Variants in NPC1 observed in about 807,000 individuals in gnomAD.
NPC1 encodes the protein Niemann-Pick C1 protein.
Under a neutral mutation model 140.4 loss-of-function variants are expected in NPC1, and 85 were observed. The ratio of observed to expected loss-of-function variants is 0.61; its 90% CI spans 0.51 to 0.72. The LOEUF (loss-of-function observed/expected upper bound fraction) is 0.72, where lower values mean the gene tolerates loss of function less well. NPC1 is among the 30% of genes least tolerant of loss of function. The pLI is 0.00. For missense variants in NPC1, 1,504 were observed against 1,623.8 expected, an observed-to-expected ratio of 0.93 and a Z score of 1.27; for synonymous variants, 656 against 624.8, an observed-to-expected ratio of 1.05 and a Z score of -0.74.
intron 11 of NPC1, 120 bp from the exon 12 acceptor site, chr18:23,545,269 T>C (rs2058773303): frequency 2.7e-6 from 2 of 736,720 alleles, no homozygotes; most frequent in African/African-American, 3.5e-5. Flanking sequence ...TTGAGACTGA[T>C]TCTCGCTCTG....
Position 23,556,786 on chromosome 18 carries a change from G to A in NPC1, c.956-173C>T. ...TCTGCTCAGCAAAGCCACCTTTGTT[G>A]GCTGCCCTCAATGAGCGCTATTCCC... On this transcript the variant is annotated intron_variant, in intron 7 of 24. Transcript: ENST00000269228. The A allele has an allele frequency of 5.9e-6, 6 of 1,018,578 alleles. No individual in the cohort carries two copies. In the South Asian group the frequency reaches 8.4e-5, roughly 14 times the overall value. The allele number at this position is 1,018,578 out of a possible 1,614,324, so 63.1% of individuals were successfully genotyped here.
At chr18:23,557,035 C>T (rs530505528) in intron 7 of NPC1, 82 bp downstream of exon 7, 3 of 1,180,802 alleles carry the variant, frequency 2.5e-6, no homozygotes, top group South Asian at 1.3e-5. Context: ...TCACCCACTG[C>T]TGCAACCCCA....
chr18:23,547,332 T>C (rs2058803556), intron 11 of NPC1, among the ~76,000 whole-genome samples: 1 of 152,218 alleles, frequency 6.6e-6, no homozygotes, highest in African/African-American at 2.4e-5. Context: ...TATATATTTA[T>C]ACAAATATAC....
chr18:23,556,291 T>A lies in NPC1; in HGVS notation c.1278A>T (p.Gly426=). 1.2e-6 allele frequency: 2 copies of A among 1,614,060 alleles called. No individual in the cohort carries two copies. The highest frequency in any genetic ancestry group is 1.6e-4 in the Middle Eastern group (1 of 6,062). The part of the protein sequence containing the change: ...DKHIYQPYPS[G]ADVPFGPPLD... ...GCGGAGGTCCAAAGGGTACATCAGC[T>A]CCCGAAGGGTATGGCTGGTAAATGT... is the stretch of plus-strand genomic sequence containing the variant. The change falls in exon 8 of 25, where the codon GGA becomes GGT. Residue 426 remains glycine, a synonymous_variant. Transcript: ENST00000269228.
At chr18:23,531,231 C>T (rs149462863), downstream of NPC1, among the ~76,000 whole-genome samples, 367 of 152,138 alleles carry the variant, frequency 2.4e-3, 2 homozygotes, top group African/African-American at 8.2e-3. Flanking sequence ...CCTCATGATC[C>T]GCCTGCCTCA....
downstream of NPC1, among the ~76,000 whole-genome samples, chr18:23,522,103 G>A (rs2145223729): frequency 6.6e-6 from 1 of 152,362 alleles, no homozygotes; most frequent in South Asian, 2.1e-4. Flanking sequence ...TTCAGCAAGA[G>A]CACCATTGTC....
rs12605771 is a variant in NPC1, at chr18:23,579,569, T to C, written c.58-5995A>G. Among the ~76,000 whole-genome samples the C allele has an allele frequency of 0.024, 3,622 of 152,068 alleles. 283 individuals are homozygous for C. In the East Asian group the frequency reaches 0.3, roughly 13 times the overall value. ...TGGATAGGGAAGCTTCTTTCAACGA[T>C]AGGAACAGTTCAGGAAAGGTTAAAA... On this transcript the variant is annotated intron_variant, in intron 1 of 24. Transcript: ENST00000269228.
At chr18:23,508,234 G>C (rs2057762066) in intron 3 of NPC1, among the ~76,000 whole-genome samples, 1 of 152,160 alleles carries the variant, frequency 6.6e-6, no homozygotes, top group African/African-American at 2.4e-5. Context: ...TTGAAAGCTT[G>C]TTCCTTTGGA....
At chr18:23,512,683 T>A (rs1034011101) in intron 3 of NPC1, among the ~76,000 whole-genome samples, 5 of 152,152 alleles carry the variant, frequency 3.3e-5, no homozygotes, top group Admixed American at 3.3e-4. Context: ...TCTTCTGCCT[T>A]GGCCTCCCAG....
chr18:23,575,769 C>CAAAAAAAAAAAAAAAAA (rs35922440), intron 1 of NPC1, among the ~76,000 whole-genome samples: 3 of 35,104 alleles, frequency 8.5e-5, no homozygotes, highest in Non-Finnish European at 1.2e-4. Context: ...CAGAGAAGAC[C>CAAAAAAAAAAAAAAAAA]AAAAAAAAAA....
intron 7 of NPC1, 118 bp downstream of exon 7, chr18:23,556,999 C>T (rs941188339): frequency 6.5e-5 from 56 of 859,820 alleles, no homozygotes; most frequent in Non-Finnish European, 4.8e-5. Context: ...TGGTCGCAGC[C>T]GTGTCCTCGG....
chr18:23,527,664 G>GTATTGTGTTTCT, downstream of NPC1: 2 of 607,866 alleles, frequency 3.3e-6, no homozygotes, highest in South Asian at 1.7e-5. Context: ...GGTCTTTAAA[G>GTATTGTGTTTCT]TAGAGTGTCC....
At chr18:23,511,822 T>C (rs2057866495) in intron 3 of NPC1, among the ~76,000 whole-genome samples, 1 of 152,136 alleles carries the variant, frequency 6.6e-6, no homozygotes, top group Non-Finnish European at 1.5e-5. Flanking sequence ...GTAACATGCT[T>C]GTACACACTT....
At chr18:23,508,013 C>T (rs1409190912) in intron 3 of NPC1, 6 of 1,610,892 alleles carry the variant, frequency 3.7e-6, no homozygotes. Context: ...CCTGATAATT[C>T]CCAGCTGGAA....
rs1055204017 is a variant in NPC1, at chr18:23,552,736, C to T, written c.1554-1009G>A. Among the ~76,000 whole-genome samples the T allele has an allele frequency of 1.3e-5, 2 of 152,206 alleles. No homozygotes were observed. The highest frequency in any genetic ancestry group is 2.4e-5 in the African/African-American group (1 of 41,456). ...GAGAAGCTTCTGCATATGACCCACC[C>T]GTCAGAGTGGATGGGTGACGGCATG... On this transcript the variant is annotated intron_variant, in intron 9 of 24. Coordinates refer to ENST00000269228, the MANE Select transcript of NPC1 (RefSeq NM_000271.5).
intron 8 of NPC1, among the ~76,000 whole-genome samples, chr18:23,555,574 T>G (rs770557546): frequency 1.3e-4 from 20 of 152,222 alleles, no homozygotes; most frequent in Non-Finnish European, 2.2e-4. Context: ...TGAGCAATGT[T>G]TAAAGGAAAA....
chr18:23,581,719 CA>C (rs1433789995), intron 1 of NPC1, among the ~76,000 whole-genome samples: 1 of 152,074 alleles, frequency 6.6e-6, no homozygotes, highest in Non-Finnish European at 1.5e-5. Context: ...TTCAAGTGAA[CA>C]GTTCAATAGT....
chr18:23,538,561 T>G lies in NPC1; in HGVS notation c.3022A>C (p.Asn1008His). The change falls in exon 20 of 25, where the codon AAC becomes CAC. Residue 1008 changes from asparagine (N) to histidine (H), a missense_variant. Asn to His is a moderately conservative substitution (Grantham distance 68). Transcript: ENST00000269228. ...FLPMFLSDNPNPKCGKGGHAA... is the reference protein window; with the variant it reads ...FLPMFLSDNPHPKCGKGGHAA... ...ACTTACCCTTTGCCACACTTGGGGT[T>G]AGGGTTATCCGAAAGGAACATGGGC... is the stretch of plus-strand genomic sequence containing the variant. 1.9e-6 allele frequency: 3 copies of G among 1,614,136 alleles called. No homozygotes were observed. Among genetic ancestry groups the G allele is most frequent in the Non-Finnish European group, 2.5e-6 (3 of 1,180,014 alleles).
downstream of NPC1, chr18:23,520,268 G>A (rs146723809): frequency 5.6e-6 from 9 of 1,613,898 alleles, no homozygotes; most frequent in Middle Eastern, 1.6e-4. Flanking sequence ...CCACCACCCC[G>A]TGCTTCCCGC....
Sources: allele counts gnomAD v4.1 joint callset (sites outside exome capture counted in the v4.1 genomes callset), GRCh38; gene constraint gnomAD v4.1.1; transcripts MANE v1.5; gene names NCBI Gene and HGNC (gene_info 2026-07-23, HGNC 2026-07-21).